The following SLC26A11 variants were observed in gnomAD, a reference collection of about 807,000 sequenced individuals.
SLC26A11 encodes solute carrier family 26 member 11.
A neutral mutation model predicts 62.2 loss-of-function variants in SLC26A11; 58 were observed. That is an observed-to-expected ratio of 0.93 (90% CI 0.76 to 1.16). The LOEUF (loss-of-function observed/expected upper bound fraction) is 1.16, where lower values mean the gene tolerates loss of function less well. SLC26A11 is among the 50% of genes most tolerant of loss of function. The pLI, the probability that SLC26A11 is intolerant of heterozygous loss-of-function variation, is 0.00. For missense variants in SLC26A11, 790 were observed against 794.3 expected, an observed-to-expected ratio of 0.99 and a Z score of 0.06; for synonymous variants, 411 against 368.9, an observed-to-expected ratio of 1.11 and a Z score of -1.31.
intron 9 of SLC26A11, 115 bp downstream of exon 9, chr17:80,237,709 C>T: frequency 1.1e-6 from 1 of 910,760 alleles, no homozygotes; most frequent in Non-Finnish European, 1.7e-6. Context: ...AATTCATATC[C>T]AAGTAATACA....
chr17:80,251,498 C>G (rs1218512588), intron 17 of SLC26A11, 97 bp downstream of exon 17: 1 of 1,500,258 alleles, frequency 6.7e-7, no homozygotes, highest in African/African-American at 1.4e-5. Flanking sequence ...CACAGTGGCT[C>G]ATGCCTGTAA....
intron 10 of SLC26A11, among the ~76,000 whole-genome samples, chr17:80,244,496 TG>T (rs1354328908): frequency 4.6e-5 from 7 of 152,080 alleles, no homozygotes; most frequent in African/African-American, 1.7e-4. Context: ...CTGTTCTGCG[TG>T]GGGAAGGCGT....
intron 7 of SLC26A11, among the ~76,000 whole-genome samples, chr17:80,236,063 C>T (rs900909531): frequency 5.9e-5 from 9 of 152,198 alleles, no homozygotes; most frequent in Admixed American, 5.2e-4. Context: ...TTGCCAACCC[C>T]AGGCCTTGGG....
Position 80,223,459 on chromosome 17 carries a change from A to G in SLC26A11, c.513+122A>G. 1 of 896,540 alleles carries G rather than the reference A, an allele frequency of 1.1e-6. No homozygotes were observed. Among genetic ancestry groups the G allele is most frequent in the Non-Finnish European group, 1.8e-6 (1 of 564,456 alleles). 55.5% of individuals were successfully genotyped at this position (896,540 alleles called of 1,614,324 possible). A position where few individuals can be genotyped will look rare whatever the true frequency, so the allele number is the denominator to read the frequency against. ...GCCAGTGGACGTCTTGCTGTTTCAG[A>G]TTGTCTTCCATGGGTCAAGAAGCAC... On this transcript the variant is annotated intron_variant, in intron 5 of 17. Transcript: ENST00000361193. The surrounding 1 kb of genome is among the most constrained non-coding windows in gnomAD (Gnocchi z 4.6).
chr17:80,252,748 G>A lies in SLC26A11; in HGVS notation c.*32G>A. On this transcript the variant is annotated 3_prime_UTR_variant, in exon 18 of 18. Coordinates refer to ENST00000361193, the MANE Select transcript of SLC26A11 (RefSeq NM_001166347.2). The surrounding 1 kb of genome is among the most constrained non-coding windows in gnomAD (Gnocchi z 5.2). ...CACCCGTGGGCATCCACAGTTTGCA[G>A]GGTGTTCCGGAAGGTTCTTGTCACT... The A allele has an allele frequency of 1.3e-6, 2 of 1,591,794 alleles. No homozygotes were observed. The highest frequency in any genetic ancestry group is 1.9e-4 in the Middle Eastern group (1 of 5,254).
chr17:80,222,780 C>G lies in SLC26A11; in HGVS notation c.360C>G (p.Pro120=). 1 of 1,614,206 alleles carries G rather than the reference C, an allele frequency of 6.2e-7. No homozygotes were observed. The highest frequency in any genetic ancestry group is 8.5e-7 in the Non-Finnish European group (1 of 1,180,050). The part of the protein sequence containing the change: ...LLVSFYTFHE[P]AYAVLLAFLS... ...TCTCCTTCTACACCTTCCATGAGCC[C>G]GCCTACGCTGTGCTGCTGGCCTTCC... Residue 120 remains proline (P), a synonymous_variant, in exon 4 of 18, where the codon CCC becomes CCG. Coordinates refer to ENST00000361193, the MANE Select transcript of SLC26A11 (RefSeq NM_001166347.2). The surrounding 1 kb of genome is among the most constrained non-coding windows in gnomAD (Gnocchi z 4.7).
At chr17:80,239,845 A>G (rs1291721372) in intron 9 of SLC26A11, among the ~76,000 whole-genome samples, 5 of 152,224 alleles carry the variant, frequency 3.3e-5, no homozygotes, top group Non-Finnish European at 7.3e-5. Context: ...AAAAAGTCCA[A>G]ATAATAATAA....
Position 80,228,463 on chromosome 17 carries a change from A to G in SLC26A11, c.736+503A>G, listed in dbSNP as rs1189315596. Among the ~76,000 whole-genome samples the G allele has an allele frequency of 1.3e-5, 2 of 152,200 alleles. No individual in the cohort carries two copies. Among genetic ancestry groups the G allele is most frequent in the African/African-American group, 2.4e-5 (1 of 41,456 alleles). ...CTAGAACATTTAAAACTCTGAGCCA[A>G]ACTCGGTGGGTTCTGATGCAGGGTC... On this transcript the variant is annotated intron_variant, in intron 7 of 17. Transcript: ENST00000361193. The surrounding 1 kb of genome is among the most constrained non-coding windows in gnomAD (Gnocchi z 4.1).
chr17:80,251,721 C>G (rs571513248), intron 17 of SLC26A11, among the ~76,000 whole-genome samples: 6 of 151,650 alleles, frequency 4.0e-5, no homozygotes, highest in Admixed American at 3.9e-4. Context: ...CGAGATTGTG[C>G]CACTGCACTC....
intron 16 of SLC26A11, among the ~76,000 whole-genome samples, chr17:80,249,527 T>G (rs2043103420): frequency 6.6e-6 from 1 of 152,240 alleles, no homozygotes; most frequent in African/African-American, 2.4e-5. Flanking sequence ...TTCTGGTCAC[T>G]GCCACACTGT....
chr17:80,247,156 G>A (rs1333797279), intron 13 of SLC26A11, among the ~76,000 whole-genome samples: 1 of 151,980 alleles, frequency 6.6e-6, no homozygotes, highest in African/African-American at 2.4e-5. Flanking sequence ...ATATGGGGTT[G>A]GGGGTAAGGT....
intron 13 of SLC26A11, among the ~76,000 whole-genome samples, chr17:80,247,103 TG>T (rs2043022771): frequency 6.6e-6 from 1 of 151,804 alleles, no homozygotes; most frequent in Non-Finnish European, 1.5e-5. Context: ...TGATCATTCT[TG>T]GGTGTTTCTT....
intron 6 of SLC26A11, 21 bp downstream of exon 6, chr17:80,225,937 C>T (rs768228258): frequency 1.2e-6 from 2 of 1,609,372 alleles, no homozygotes; most frequent in Non-Finnish European, 1.7e-6. Context: ...CTTTGTTCCT[C>T]CCTCCTATAA....
intron 7 of SLC26A11, among the ~76,000 whole-genome samples, chr17:80,236,566 T>C (rs1341970772): frequency 6.6e-6 from 1 of 152,212 alleles, no homozygotes; most frequent in Non-Finnish European, 1.5e-5. Flanking sequence ...GGCCATTGTT[T>C]CTGTTGTTTG....
In SLC26A11 at chr17:80,231,768, AT is replaced by A. The variant is rs1272654922; in HGVS notation, c.736+3811del. Among the ~76,000 whole-genome samples the A allele has an allele frequency of 2.0e-5, 3 of 152,254 alleles. No homozygotes were observed. The East Asian group carries it at 5.8e-4, about 29-fold the overall frequency. On this transcript the variant is annotated intron_variant, in intron 7 of 17. Coordinates refer to ENST00000361193, the MANE Select transcript of SLC26A11 (RefSeq NM_001166347.2). ...TTTCCCAATTAGTACTTTGCCATTG[AT>A]TTCTAATTTAGTTCCATTGTGATAA...
intron 6 of SLC26A11, among the ~76,000 whole-genome samples, chr17:80,227,437 G>A (rs911892833): frequency 1.3e-5 from 2 of 152,178 alleles, no homozygotes; most frequent in South Asian, 2.1e-4. Flanking sequence ...TGAGCACGTC[G>A]CTCTGCCATC....
In SLC26A11 at chr17:80,246,450, C is replaced by T. The variant is rs1051329937; in HGVS notation, c.1154-59C>T. Reference sequence around the variant, plus strand: ...GGCTCTGCTGAACAAGAGGCTGCTACGCTGCGTGCTGGGGGGACCCTGCAC... The same window carrying T: ...GGCTCTGCTGAACAAGAGGCTGCTATGCTGCGTGCTGGGGGGACCCTGCAC... On this transcript the variant is annotated intron_variant, in intron 12 of 17. Coordinates refer to ENST00000361193, the MANE Select transcript of SLC26A11 (RefSeq NM_001166347.2). The surrounding 1 kb of genome is among the most constrained non-coding windows in gnomAD (Gnocchi z 4.4). 72 of 1,596,778 alleles carry T rather than the reference C, an allele frequency of 4.5e-5. No homozygotes were observed. Among genetic ancestry groups the T allele is most frequent in the Middle Eastern group, 3.3e-4 (2 of 6,062 alleles).
intron 5 of SLC26A11, 176 bp from the exon 6 acceptor site, chr17:80,225,661 G>A (rs887994920): frequency 4.9e-6 from 3 of 618,040 alleles, no homozygotes; most frequent in Non-Finnish European, 8.7e-6. Flanking sequence ...TGCCCTAGGG[G>A]GCGTTGGGAG....
At chr17:80,229,506 A>G (rs1215852911) in intron 7 of SLC26A11, among the ~76,000 whole-genome samples, 2 of 151,882 alleles carry the variant, frequency 1.3e-5, no homozygotes, top group African/African-American at 2.4e-5. Context: ...ATCTTGGCTC[A>G]CTGCAACCTG....
Sources: gnomAD v4.1 joint callset for allele counts (sites outside exome capture counted in the v4.1 genomes callset) on GRCh38, gnomAD v4.1.1 for gene constraint, Gnocchi (gnomAD v3.1) non-coding constraint, MANE v1.5 for transcripts, NCBI Gene and HGNC (gene_info 2026-07-23, HGNC 2026-07-21) for gene names.